Variants in LOC128092252 observed in about 807,000 individuals in gnomAD.
chr15:50,677,225 T>C, the LOC128092252 span, among the ~76,000 whole-genome samples: 377 of 152,262 alleles, frequency 2.5e-3, 2 homozygotes, highest in African/African-American at 8.7e-3. Flanking sequence ...ATAAGCTCTC[T>C]GGTATCTCTT....
At chr15:50,682,291 C>A in the LOC128092252 span, among the ~76,000 whole-genome samples, 2 of 151,250 alleles carry the variant, frequency 1.3e-5, no homozygotes, top group African/African-American at 2.4e-5. Context: ...TAACAGGGTT[C>A]TAAAACCCCT....
chr15:50,650,128 G>C, the LOC128092252 span, among the ~76,000 whole-genome samples: 34 of 138,056 alleles, frequency 2.5e-4, no homozygotes, highest in Non-Finnish European at 3.3e-4. Context: ...GGGAGGCGCA[G>C]ACCACAGTGA....
the LOC128092252 span, among the ~76,000 whole-genome samples, chr15:50,679,909 T>C: frequency 1.3e-5 from 2 of 152,058 alleles, no homozygotes. Flanking sequence ...CTACTAAGGA[T>C]TGCCCCAGAG....
chr15:50,654,864 G>A, the LOC128092252 span, among the ~76,000 whole-genome samples: 2 of 149,932 alleles, frequency 1.3e-5, no homozygotes, highest in Admixed American at 6.6e-5. Flanking sequence ...ACCCGGGTGT[G>A]GCAGCAGGCA....
chr15:50,651,048 G>A, the LOC128092252 span, among the ~76,000 whole-genome samples: 6 of 152,032 alleles, frequency 3.9e-5, no homozygotes, highest in East Asian at 1.9e-4. Context: ...TTAGTCGGGC[G>A]TGGTGATGCA....
chr15:50,661,644 A>T, the LOC128092252 span, among the ~76,000 whole-genome samples: 1 of 152,254 alleles, frequency 6.6e-6, no homozygotes, highest in Non-Finnish European at 1.5e-5. Flanking sequence ...GACATATTCT[A>T]TAATATAAAG....
At chr15:50,679,510 TA>T in the LOC128092252 span, among the ~76,000 whole-genome samples, 43,121 of 108,658 alleles carry the variant, frequency 0.4, 9,163 homozygotes, top group Admixed American at 0.52. Flanking sequence ...TGTATATATA[TA>T]ATATATATAT....
chr15:50,675,632 C>T, the LOC128092252 span, among the ~76,000 whole-genome samples: 1 of 152,178 alleles, frequency 6.6e-6, no homozygotes, highest in Non-Finnish European at 1.5e-5. Context: ...ATCAGTTACC[C>T]AATCAAATGT....
chr15:50,656,501 T>C, the LOC128092252 span, among the ~76,000 whole-genome samples: 1 of 112,736 alleles, frequency 8.9e-6, no homozygotes, highest in Non-Finnish European at 2.1e-5. Flanking sequence ...GTGGTTTTCT[T>C]TTTTTTTTTT....
the LOC128092252 span, among the ~76,000 whole-genome samples, chr15:50,670,895 C>T: frequency 2.0e-5 from 3 of 151,562 alleles, no homozygotes; most frequent in Non-Finnish European, 4.4e-5. Flanking sequence ...TTAAGTAGGC[C>T]AGGTGCAGTA....
At chr15:50,667,297 A>G in the LOC128092252 span, among the ~76,000 whole-genome samples, 1 of 152,212 alleles carries the variant, frequency 6.6e-6, no homozygotes, top group Non-Finnish European at 1.5e-5. Context: ...GAAGCCAGTA[A>G]TCCAATTAAG....
the LOC128092252 span, among the ~76,000 whole-genome samples, chr15:50,684,811 A>G: frequency 6.6e-6 from 1 of 152,240 alleles, no homozygotes; most frequent in African/African-American, 2.4e-5. Flanking sequence ...GAGAGAAGGT[A>G]CTAGAGACTG....
the LOC128092252 span, among the ~76,000 whole-genome samples, chr15:50,667,122 T>C: frequency 6.6e-6 from 1 of 152,050 alleles, no homozygotes; most frequent in Admixed American, 6.6e-5. Flanking sequence ...GCAGCATTGA[T>C]TGGCCGACTC....
At chr15:50,656,013 A>C in the LOC128092252 span, among the ~76,000 whole-genome samples, 146 of 152,048 alleles carry the variant, frequency 9.6e-4, 1 homozygote, top group African/African-American at 3.2e-3. Context: ...AAAAAACAAA[A>C]AAAAAAAACC....
At chr15:50,651,801 T>A in the LOC128092252 span, among the ~76,000 whole-genome samples, 2 of 151,778 alleles carry the variant, frequency 1.3e-5, no homozygotes, top group Non-Finnish European at 2.9e-5. Context: ...GAGGCAGAAT[T>A]ACTTGAACCC....
chr15:50,667,009 C>T, the LOC128092252 span, among the ~76,000 whole-genome samples: 1 of 152,112 alleles, frequency 6.6e-6, no homozygotes, highest in Non-Finnish European at 1.5e-5. Context: ...GATCCAGGAA[C>T]CTGTTCCTGG....
At chr15:50,657,022 C>T in the LOC128092252 span, among the ~76,000 whole-genome samples, 1 of 152,094 alleles carries the variant, frequency 6.6e-6, no homozygotes, top group Admixed American at 6.6e-5. Context: ...ATGCAAACTG[C>T]TCTTACAAAA....
the LOC128092252 span, among the ~76,000 whole-genome samples, chr15:50,668,077 C>G: frequency 2.6e-5 from 4 of 152,156 alleles, no homozygotes; most frequent in African/African-American, 9.7e-5. Context: ...TGTCCTAAGA[C>G]TTTTTGTCAT....
chr15:50,653,579 G>C, the LOC128092252 span, among the ~76,000 whole-genome samples: 2 of 152,188 alleles, frequency 1.3e-5, no homozygotes, highest in Non-Finnish European at 1.5e-5. Flanking sequence ...AAACACATGA[G>C]GTAAACCCCC....
Sources: allele counts gnomAD v4.1 joint callset (sites outside exome capture counted in the v4.1 genomes callset), GRCh38; gene constraint gnomAD v4.1.1; transcripts MANE v1.5.